Variants in EVI5 observed in about 807,000 individuals in gnomAD.
The protein encoded by EVI5 is ecotropic viral integration site 5, also known as ecotropic viral integration site 5 protein homolog.
Under a neutral mutation model 112.0 loss-of-function variants are expected in EVI5, and 73 were observed. The ratio of observed to expected loss-of-function variants is 0.65; its 90% CI spans 0.54 to 0.79. EVI5 has a LOEUF of 0.79. EVI5 is among the 30% of genes least tolerant of loss of function. EVI5 has a pLI of 0.00. For missense variants in EVI5, 900 were observed against 968.8 expected, an observed-to-expected ratio of 0.93 and a Z score of 0.94; for synonymous variants, 305 against 319.9, an observed-to-expected ratio of 0.95 and a Z score of 0.50.
At chr1:92,788,501 CAAAAA>C (rs200308636), upstream of EVI5, among the ~76,000 whole-genome samples, 21 of 144,596 alleles carry the variant, frequency 1.5e-4, no homozygotes, top group African/African-American at 4.8e-4. Context: ...CAAAACAAAA[CAAAAA>C]AAAAACTAGG....
chr1:92,624,176 C>T lies in EVI5; in HGVS notation c.1827G>A (p.Gln609=), dbSNP rs1655148480. The T allele has an allele frequency of 6.2e-6, 10 of 1,612,870 alleles. No individual in the cohort carries two copies. The highest frequency in any genetic ancestry group is 8.5e-6 in the Non-Finnish European group (10 of 1,179,172). ...AAGATACTGGGCTTTCCCATCATAC[C>T]TGTGTTTCCATTTCCATCATCCTTT... ...IKQRMMEMET[Q]NQINSNHLRR... The change falls in exon 16 of 20, where the codon CAG becomes CAA. Residue 609 remains glutamine (Q), a splice_region_variant and synonymous_variant. Coordinates refer to ENST00000684568, the MANE Select transcript of EVI5 (RefSeq NM_001350197.2).
intron 5 of EVI5, chr1:92,700,852 A>G (rs1357088136): frequency 6.6e-6 from 1 of 152,244 alleles, no homozygotes. Context: ...TACTAAATAA[A>G]GTAGGAAAAT....
intron 16 of EVI5, among the ~76,000 whole-genome samples, chr1:92,609,279 T>C (rs567442380): frequency 6.6e-6 from 1 of 152,372 alleles, no homozygotes; most frequent in African/African-American, 2.4e-5. Flanking sequence ...ACTTGCCTTT[T>C]GAGACTATGT....
intron 1 of EVI5, among the ~76,000 whole-genome samples, chr1:92,746,594 T>G (rs2102890373): frequency 6.6e-6 from 1 of 152,010 alleles, no homozygotes; most frequent in East Asian, 1.9e-4. Context: ...GGTGTAGTGG[T>G]GCATGCCTGT....
At chr1:92,548,278 C>T (rs1014728695) in intron 19 of EVI5, among the ~76,000 whole-genome samples, 6 of 152,132 alleles carry the variant, frequency 3.9e-5, no homozygotes, top group African/African-American at 1.4e-4. Flanking sequence ...GCAGAAAAGG[C>T]CTTTGACAAA....
At chr1:92,605,746 G>A (rs1650239781) in intron 17 of EVI5, among the ~76,000 whole-genome samples, 1 of 152,078 alleles carries the variant, frequency 6.6e-6, no homozygotes, top group South Asian at 2.1e-4. Context: ...AACTTTAAGT[G>A]AGAACATTCA....
chr1:92,603,056 C>T (rs1649527094), intron 18 of EVI5, among the ~76,000 whole-genome samples: 1 of 152,036 alleles, frequency 6.6e-6, no homozygotes, highest in African/African-American at 2.4e-5. Flanking sequence ...GCCATTTCTC[C>T]AAAGAAGATA....
intron 19 of EVI5, among the ~76,000 whole-genome samples, chr1:92,530,080 C>T (rs1210350207): frequency 6.6e-6 from 1 of 152,066 alleles, no homozygotes; most frequent in Non-Finnish European, 1.5e-5. Flanking sequence ...CTGTTAGACC[C>T]TTGATGGTAG....
intron 18 of EVI5, among the ~76,000 whole-genome samples, chr1:92,599,920 T>C (rs1648753641): frequency 6.6e-6 from 1 of 152,128 alleles, no homozygotes; most frequent in Non-Finnish European, 1.5e-5. Flanking sequence ...ATGATTGGTA[T>C]TTAAAAGGTA....
chr1:92,654,024 C>A, intron 13 of EVI5, among the ~76,000 whole-genome samples: 1 of 151,992 alleles, frequency 6.6e-6, no homozygotes, highest in African/African-American at 2.4e-5. Flanking sequence ...CTGCCACCCC[C>A]ACTCAGGTCT....
At chr1:92,729,000 T>C (rs898176187) in intron 2 of EVI5, among the ~76,000 whole-genome samples, 4 of 152,084 alleles carry the variant, frequency 2.6e-5, no homozygotes, top group Non-Finnish European at 5.9e-5. Context: ...ACCACAAAAG[T>C]AGTGATGCTG....
At chr1:92,575,197 C>T (rs1477152314) in intron 18 of EVI5, among the ~76,000 whole-genome samples, 1 of 152,192 alleles carries the variant, frequency 6.6e-6, no homozygotes, top group East Asian at 1.9e-4. Flanking sequence ...CAGCTATATT[C>T]ACCAATTACC....
rs184003886 is a variant in EVI5, at chr1:92,541,653, C to T, written c.2166+21989G>A. On this transcript the variant is annotated intron_variant, in intron 19 of 19. Transcript: ENST00000684568. ...ATGAAAACATACGTTTATATGGAAA[C>T]TTGTAAATGAATGCTCAAAATAATA... 5.3e-5 allele frequency among the ~76,000 whole-genome samples: 8 copies of T among 152,138 alleles called. No homozygotes were observed. In the East Asian group the frequency reaches 1.5e-3, roughly 29 times the overall value.
chr1:92,576,100 A>G lies in EVI5; in HGVS notation c.2071-12363T>C, dbSNP rs147932082. Among the ~76,000 whole-genome samples the G allele has an allele frequency of 4.1e-3, 617 of 152,332 alleles. 3 individuals are homozygous for G. The highest frequency in any genetic ancestry group is 6.8e-3 in the Admixed American group (104 of 15,286). ...ATTAAGTATAGAAGACATGGGCACT[A>G]AAACTTAAATATCTGAAGTGAAGGA... On this transcript the variant is annotated intron_variant, in intron 18 of 19. Coordinates refer to ENST00000684568, the MANE Select transcript of EVI5 (RefSeq NM_001350197.2).
intron 16 of EVI5, among the ~76,000 whole-genome samples, chr1:92,622,042 C>T (rs1254920058): frequency 6.6e-6 from 1 of 151,888 alleles, no homozygotes; most frequent in African/African-American, 2.4e-5. Flanking sequence ...ATAGCTTGAA[C>T]CCGGGAGGCA....
chr1:92,515,302 C>T lies in EVI5; in HGVS notation c.2167-1332G>A, dbSNP rs146317955. On this transcript the variant is annotated intron_variant, in intron 19 of 19. Transcript: ENST00000684568. ...ACATTTAAATCTAAACCACATTTTCCAAAACCAGTTTTATCAGAATTAAAA... is the reference window on the plus strand; with the variant it reads ...ACATTTAAATCTAAACCACATTTTCTAAAACCAGTTTTATCAGAATTAAAA... 2.4e-3 allele frequency among the ~76,000 whole-genome samples: 358 copies of T among 152,272 alleles called. 1 individual carries two copies. Among genetic ancestry groups the T allele is most frequent in the African/African-American group, 8.2e-3 (339 of 41,562 alleles).
intron 13 of EVI5, among the ~76,000 whole-genome samples, chr1:92,652,747 C>T (rs1448487445): frequency 6.6e-6 from 1 of 152,162 alleles, no homozygotes; most frequent in Non-Finnish European, 1.5e-5. Flanking sequence ...TGTCCAATGC[C>T]AGTTCTCTTC....
intron 19 of EVI5, among the ~76,000 whole-genome samples, chr1:92,536,791 G>A (rs746154991): frequency 3.3e-5 from 5 of 152,142 alleles, no homozygotes; most frequent in South Asian, 4.1e-4. Context: ...AGGAGACAAT[G>A]TGCTGTGTGT....
chr1:92,525,105 C>T (rs555027156), intron 19 of EVI5, among the ~76,000 whole-genome samples: 13 of 151,440 alleles, frequency 8.6e-5, no homozygotes, highest in African/African-American at 2.4e-4. Context: ...TGGGATTACA[C>T]GCAGGAATCA....
Sources: gnomAD v4.1 joint callset for allele counts (sites outside exome capture counted in the v4.1 genomes callset) on GRCh38, gnomAD v4.1.1 for gene constraint, MANE v1.5 for transcripts, NCBI Gene and HGNC (gene_info 2026-07-23, HGNC 2026-07-21) for gene names.